ESF1: variants seen among roughly 807,000 people sequenced by gnomAD.
ESF1 encodes ESF1 homolog.
ESF1 carries 58 observed loss-of-function variants against 92.0 expected under a neutral mutation model. The ratio of observed to expected loss-of-function variants is 0.63; its 90% CI spans 0.51 to 0.78. The LOEUF (loss-of-function observed/expected upper bound fraction) is 0.78, where lower values mean the gene tolerates loss of function less well. ESF1 is among the 30% of genes least tolerant of loss of function. The pLI is 0.00. For missense variants in ESF1, 922 were observed against 989.1 expected (o/e 0.93, Z 0.91); for synonymous variants, 321 against 313.7 (o/e 1.02, Z -0.24).
At chr20:13,767,018 C>T (rs1202914670) in intron 7 of ESF1, 94 bp from the exon 8 acceptor site, 1 of 1,221,242 alleles carries the variant, frequency 8.2e-7, no homozygotes, top group Non-Finnish European at 1.1e-6. Flanking sequence ...GGATGTTTAA[C>T]AGTAAGTTAA....
At chr20:13,769,861 T>C in intron 7 of ESF1, 46 bp downstream of exon 7, 1 of 1,193,150 alleles carries the variant, frequency 8.4e-7, no homozygotes, top group Non-Finnish European at 1.2e-6. Context: ...AATCTCTTCA[T>C]AAAGCAATAG....
intron 8 of ESF1, among the ~76,000 whole-genome samples, chr20:13,763,187 A>T (rs1048186285): frequency 2.0e-5 from 3 of 152,172 alleles, no homozygotes; most frequent in Non-Finnish European, 4.4e-5. Flanking sequence ...AAGAAATAAA[A>T]ATACAAGATA....
intron 4 of ESF1, among the ~76,000 whole-genome samples, chr20:13,774,326 G>A (rs1292313560): frequency 3.9e-5 from 6 of 152,044 alleles, no homozygotes; most frequent in African/African-American, 1.2e-4. Flanking sequence ...CAAAGGAAAC[G>A]CTCATTGGCG....
intron 9 of ESF1, among the ~76,000 whole-genome samples, chr20:13,748,447 T>TATAC (rs1978385872): frequency 9.8e-4 from 14 of 14,300 alleles, no homozygotes; most frequent in South Asian, 3.7e-3. Flanking sequence ...TACACATATA[T>TATAC]ACATATATAT....
chr20:13,714,780 G>T lies in ESF1; in HGVS notation c.*94C>A. 1.8e-6 allele frequency: 2 copies of T among 1,101,216 alleles called. No homozygotes were observed. Among genetic ancestry groups the T allele is most frequent in the Non-Finnish European group, 2.5e-6 (2 of 794,578 alleles). The allele number at this position is 1,101,216 out of a possible 1,614,324, so 68.2% of individuals were successfully genotyped here. On this transcript the variant is annotated 3_prime_UTR_variant, in exon 14 of 14. Coordinates refer to ENST00000617257, the MANE Select transcript of ESF1 (RefSeq NM_001276380.2). Reference sequence around the variant, plus strand: ...AGAAAAAGATTTTATTCATGTTCTTGAAAGATAGCTTTGTTCCCAATAAAT... The same window carrying T: ...AGAAAAAGATTTTATTCATGTTCTTTAAAGATAGCTTTGTTCCCAATAAAT...
At chr20:13,728,623 T>G (rs1345709378) in intron 10 of ESF1, among the ~76,000 whole-genome samples, 158 bp from the exon 11 acceptor site, 1 of 152,188 alleles carries the variant, frequency 6.6e-6, no homozygotes, top group Non-Finnish European at 1.5e-5. Flanking sequence ...TCTGAGCACT[T>G]TGGGAGGCCA....
intron 5 of ESF1, among the ~76,000 whole-genome samples, chr20:13,772,185 A>G (rs1600292916): frequency 6.6e-6 from 1 of 151,912 alleles, no homozygotes; most frequent in East Asian, 1.9e-4. Flanking sequence ...CAGAGCTTCA[A>G]TGATGTCTCA....
chr20:13,772,673 G>T, intron 4 of ESF1, 58 bp from the exon 5 acceptor site: 2 of 1,259,526 alleles, frequency 1.6e-6, no homozygotes, highest in Non-Finnish European at 2.3e-6. Context: ...CAAATATCTA[G>T]ACCTGTCGAA....
At chr20:13,756,430 T>A (rs931300119) in intron 9 of ESF1, among the ~76,000 whole-genome samples, 2 of 152,216 alleles carry the variant, frequency 1.3e-5, no homozygotes, top group African/African-American at 4.8e-5. Flanking sequence ...GATAATTCCG[T>A]GAAACTGACA....
intron 9 of ESF1, among the ~76,000 whole-genome samples, chr20:13,754,943 G>C (rs1978818703): frequency 6.6e-6 from 1 of 152,210 alleles, no homozygotes; most frequent in Non-Finnish European, 1.5e-5. Flanking sequence ...ATAGCTTCAA[G>C]GATACTCCTA....
chr20:13,724,851 C>T (rs762778546), intron 11 of ESF1, among the ~76,000 whole-genome samples: 2 of 152,166 alleles, frequency 1.3e-5, no homozygotes, highest in Admixed American at 6.5e-5. Context: ...TGGGGGCACA[C>T]AGCTTTGTAA....
chr20:13,751,810 C>T (rs1350113041), intron 9 of ESF1, among the ~76,000 whole-genome samples: 1 of 151,992 alleles, frequency 6.6e-6, no homozygotes, highest in Non-Finnish European at 1.5e-5. Flanking sequence ...GGCCAGCCAA[C>T]ATGGTGAAAC....
chr20:13,729,378 A>G (rs1202205583), intron 10 of ESF1, among the ~76,000 whole-genome samples: 1 of 152,250 alleles, frequency 6.6e-6, no homozygotes, highest in Non-Finnish European at 1.5e-5. Context: ...TTTACCATCT[A>G]TTAAAGGAAA....
chr20:13,729,282 T>C (rs540040251), intron 10 of ESF1, among the ~76,000 whole-genome samples: 1 of 152,258 alleles, frequency 6.6e-6, no homozygotes, highest in East Asian at 1.9e-4. Context: ...ACAAAAAATA[T>C]AGAATACTTA....
At chr20:13,732,126 A>G (rs1055563740) in intron 10 of ESF1, among the ~76,000 whole-genome samples, 3 of 152,206 alleles carry the variant, frequency 2.0e-5, no homozygotes. Flanking sequence ...CTGGATGTCC[A>G]GACTTCAGAC....
At chr20:13,729,327 A>G (rs2049926162) in intron 10 of ESF1, among the ~76,000 whole-genome samples, 1 of 152,252 alleles carries the variant, frequency 6.6e-6, no homozygotes, top group Non-Finnish European at 1.5e-5. Context: ...CTTTTGGGAG[A>G]AATGGAAGTT....
intron 2 of ESF1, among the ~76,000 whole-genome samples, chr20:13,781,424 G>A (rs952251805): frequency 6.6e-6 from 1 of 151,998 alleles, no homozygotes. Flanking sequence ...TTTTTAATGT[G>A]GTTACTAGAA....
intron 9 of ESF1, among the ~76,000 whole-genome samples, chr20:13,750,903 G>C (rs553705304): frequency 6.4e-4 from 97 of 152,196 alleles, no homozygotes; most frequent in Middle Eastern, 3.4e-3. Flanking sequence ...GATCGCTTGA[G>C]CCCATGAATG....
At chr20:13,773,716 G>A (rs547189473) in intron 4 of ESF1, among the ~76,000 whole-genome samples, 15 of 152,254 alleles carry the variant, frequency 9.9e-5, no homozygotes, top group East Asian at 1.9e-4. Context: ...GTAACTTGTA[G>A]GGTGAGTTTT....
Sources: allele counts gnomAD v4.1 joint callset (sites outside exome capture counted in the v4.1 genomes callset), GRCh38; gene constraint gnomAD v4.1.1; transcripts MANE v1.5; gene names NCBI Gene and HGNC (gene_info 2026-07-23, HGNC 2026-07-21).